Variants in ANKRD55 observed in about 807,000 individuals in gnomAD.
ANKRD55 encodes ankyrin repeat domain 55, also known as ankyrin repeat domain-containing protein 55.
A neutral mutation model predicts 60.6 loss-of-function variants in ANKRD55; 41 were observed. That is an observed-to-expected ratio of 0.68 (90% CI 0.53 to 0.88). The LOEUF is 0.88. ANKRD55 is among the 40% of genes least tolerant of loss of function. The pLI is 0.00. For synonymous variants in ANKRD55, 264 were observed against 290.3 expected (o/e 0.91, Z 0.92); for missense variants, 732 against 767.6 (o/e 0.95, Z 0.55).
intron 9 of ANKRD55, among the ~76,000 whole-genome samples, chr5:56,112,511 A>AAAAAAAAAAAAAAAAAAAAAAAAAAAAC: frequency 1.1e-4 from 9 of 81,524 alleles, no homozygotes; most frequent in African/African-American, 4.3e-4. Flanking sequence ...TAGCAAAAAA[A>AAAAAAAAAAAAAAAAAAAAAAAAAAAAC]AAAAAAAAAA....
At chr5:56,148,018 G>A (rs531687272) in intron 6 of ANKRD55, among the ~76,000 whole-genome samples, 1 of 152,296 alleles carries the variant, frequency 6.6e-6, no homozygotes, top group South Asian at 2.1e-4. Context: ...CAGAAATCAC[G>A]ATTAAGCTGT....
chr5:56,198,085 C>G (rs1759267061), intron 2 of ANKRD55, among the ~76,000 whole-genome samples: 1 of 152,052 alleles, frequency 6.6e-6, no homozygotes, highest in Non-Finnish European at 1.5e-5. Context: ...TTTCTAGTTA[C>G]TCTTAAATGC....
intron 9 of ANKRD55, among the ~76,000 whole-genome samples, chr5:56,112,651 G>T (rs1212597606): frequency 1.3e-5 from 2 of 152,144 alleles, no homozygotes; most frequent in Non-Finnish European, 2.9e-5. Flanking sequence ...AAGGAAAAAG[G>T]CCAGCAGTTG....
intron 2 of ANKRD55, among the ~76,000 whole-genome samples, chr5:56,194,125 G>A (rs1408996910): frequency 6.6e-6 from 1 of 151,998 alleles, no homozygotes; most frequent in Non-Finnish European, 1.5e-5. Context: ...AGACCACCCT[G>A]GCCAACATGG....
intron 5 of ANKRD55, among the ~76,000 whole-genome samples, chr5:56,170,071 C>T (rs1225198523): frequency 6.6e-6 from 1 of 152,166 alleles, no homozygotes; most frequent in African/African-American, 2.4e-5. Flanking sequence ...CTTCACAGGG[C>T]TTCTAGGAGC....
rs150937141 is a variant in ANKRD55 at position 56,154,883 on chromosome 5, C to T, written c.483+4950G>A. Among the ~76,000 whole-genome samples, 395 of 152,168 alleles carry T rather than the reference C, an allele frequency of 2.6e-3. 1 individual carries two copies. Among genetic ancestry groups the T allele is most frequent in the African/African-American group, 9.2e-3 (383 of 41,566 alleles). On this transcript the variant is annotated intron_variant, in intron 6 of 11. Transcript: ENST00000341048. ...GGATTACAGGCGTGAGCCGTGGAGC[C>T]GGGCCTCAAAGATCTTAACTGGCTT...
At chr5:56,218,050 A>T (rs1350307306) in intron 2 of ANKRD55, among the ~76,000 whole-genome samples, 1 of 152,234 alleles carries the variant, frequency 6.6e-6, no homozygotes, top group Non-Finnish European at 1.5e-5. Flanking sequence ...TAGAGTTAGA[A>T]GTGAAGCCTG....
chr5:56,205,177 C>T (rs1759470875), intron 2 of ANKRD55, among the ~76,000 whole-genome samples: 1 of 152,172 alleles, frequency 6.6e-6, no homozygotes, highest in Admixed American at 6.5e-5. Context: ...TCTCCTGCCT[C>T]AGCCTCCTGA....
intron 2 of ANKRD55, among the ~76,000 whole-genome samples, chr5:56,229,982 T>C (rs1026841829): frequency 2.6e-5 from 4 of 152,224 alleles, no homozygotes; most frequent in Non-Finnish European, 4.4e-5. Context: ...GTTCTGCATC[T>C]TTGCTGTCCA....
intron 7 of ANKRD55, among the ~76,000 whole-genome samples, chr5:56,140,979 C>A (rs1386054438): frequency 6.6e-6 from 1 of 152,044 alleles, no homozygotes; most frequent in Non-Finnish European, 1.5e-5. Context: ...AGGAGAATTG[C>A]TTGAACCCGG....
At chr5:56,114,189 G>C in intron 9 of ANKRD55, 1 of 165,610 alleles carries the variant, frequency 6.0e-6, no homozygotes. Flanking sequence ...TTAGCCAGGG[G>C]TAGTAGCACA....
intron 7 of ANKRD55, among the ~76,000 whole-genome samples, chr5:56,143,120 G>T (rs1757813749): frequency 6.6e-6 from 1 of 152,136 alleles, no homozygotes; most frequent in Non-Finnish European, 1.5e-5. Flanking sequence ...TCAACTGTGG[G>T]GGTGTCTGTG....
intron 2 of ANKRD55, among the ~76,000 whole-genome samples, chr5:56,201,186 G>A (rs1205432607): frequency 6.6e-6 from 1 of 152,136 alleles, no homozygotes; most frequent in Non-Finnish European, 1.5e-5. Flanking sequence ...TGAATGCTTT[G>A]AAGAAACTGC....
intron 2 of ANKRD55, among the ~76,000 whole-genome samples, chr5:56,228,249 T>G (rs920180083): frequency 3.3e-5 from 5 of 151,946 alleles, no homozygotes; most frequent in African/African-American, 9.7e-5. Flanking sequence ...TGCAATCACA[T>G]GCATCCTTAA....
chr5:56,111,498 A>G lies in ANKRD55; in HGVS notation c.1250T>C (p.Leu417Pro). Residue 417 changes from leucine to proline, a missense_variant, in exon 10 of 12, where the codon CTC becomes CCC. Transcript: ENST00000341048. ...GGCCAGCGGTTTCTTTTCTGGTAAG[A>G]GATATTTTGAATTGTCTGAGGTTTT... Reference protein sequence around the residue: ...KKKTSDNSKYLLPEKKPLARK... With the variant: ...KKKTSDNSKYPLPEKKPLARK... The G allele has an allele frequency of 1.2e-6, 2 of 1,614,126 alleles. No homozygotes were observed. Among genetic ancestry groups the G allele is most frequent in the Non-Finnish European group, 1.7e-6 (2 of 1,180,026 alleles).
chr5:56,111,745 G>T lies in ANKRD55; in HGVS notation c.1003C>A (p.Arg335=). The change falls in exon 10 of 12, where the codon CGG becomes AGG. Residue 335 remains arginine, a synonymous_variant. Transcript: ENST00000341048. The part of the protein sequence containing the change: ...PTRPPPSQSS[R]PQKKERRFNV... ...AACCGTCTCTCCTTCTTCTGGGGCC[G>T]ACTGCTCTGGGAGGGAGGGGGTCGA... 1 of 1,515,148 alleles carries T rather than the reference G, an allele frequency of 6.6e-7. No individual in the cohort carries two copies. The allele number at this position is 1,515,148 out of a possible 1,614,324, so 93.9% of individuals were successfully genotyped here.
At chr5:56,227,631 AT>A (rs1760153624) in intron 2 of ANKRD55, among the ~76,000 whole-genome samples, 1 of 137,552 alleles carries the variant, frequency 7.3e-6, no homozygotes, top group South Asian at 2.3e-4. Flanking sequence ...TTTTTTTTTT[AT>A]TAAACCTTAT....
chr5:56,186,795 T>C (rs1363150436), intron 2 of ANKRD55, among the ~76,000 whole-genome samples: 1 of 152,170 alleles, frequency 6.6e-6, no homozygotes, highest in Admixed American at 6.5e-5. Flanking sequence ...TTTCTCACAG[T>C]ATATTTGGGC....
intron 2 of ANKRD55, among the ~76,000 whole-genome samples, chr5:56,221,010 G>A (rs1759948681): frequency 6.6e-6 from 1 of 152,092 alleles, no homozygotes. Context: ...AACCAGTACT[G>A]GTTTGCATCT....
Sources: allele counts gnomAD v4.1 joint callset (sites outside exome capture counted in the v4.1 genomes callset), GRCh38; gene constraint gnomAD v4.1.1; transcripts MANE v1.5; gene names NCBI Gene and HGNC (gene_info 2026-07-23, HGNC 2026-07-21).